Variants in WDFY3 observed in about 807,000 individuals in gnomAD.
WDFY3 encodes the protein WD repeat and FYVE domain-containing protein 3.
WDFY3 carries 66 observed loss-of-function variants against 409.6 expected under a neutral mutation model. The ratio of observed to expected loss-of-function variants is 0.16; its 90% CI spans 0.13 to 0.20. The LOEUF is 0.20. Ranked by LOEUF, WDFY3 falls within the 10% of genes least tolerant of loss-of-function variation. The probability of loss-of-function intolerance (pLI) is 1.00; values close to 1 mark genes in which losing one functional copy is unlikely to be tolerated. For missense variants in WDFY3, 3,031 were observed against 4,298.1 expected (o/e 0.71, Z 8.24); for synonymous variants, 1,521 against 1,537.1 (o/e 0.99, Z 0.25).
chr4:84,839,397 A>G (rs997707073), intron 6 of WDFY3, among the ~76,000 whole-genome samples: 4 of 152,138 alleles, frequency 2.6e-5, no homozygotes, highest in Non-Finnish European at 5.9e-5. Flanking sequence ...AGATACATGA[A>G]AACAATGGTC....
At chr4:84,893,492 A>G (rs1371524350) in intron 3 of WDFY3, among the ~76,000 whole-genome samples, 1 of 152,250 alleles carries the variant, frequency 6.6e-6, no homozygotes, top group Non-Finnish European at 1.5e-5. Flanking sequence ...AGCATTAGGC[A>G]GAAGAATAGA....
chr4:84,677,413 AGAG>A lies in WDFY3; in HGVS notation c.10260-20_10260-18del, dbSNP rs766868034. On this transcript the variant is annotated intron_variant, in intron 66 of 67. Coordinates refer to ENST00000295888, the MANE Select transcript of WDFY3 (RefSeq NM_014991.6). ...CTGTGATCCCTGCAGGAGACACGAC[AGAG>A]GAGGTCACTGCACGGAAGGCTTCTG... The A allele has an allele frequency of 3.2e-6, 5 of 1,578,076 alleles. No homozygotes were observed. Among genetic ancestry groups the A allele is most frequent in the Non-Finnish European group, 4.3e-6 (5 of 1,161,524 alleles).
intron 2 of WDFY3, among the ~76,000 whole-genome samples, chr4:84,930,985 GTTA>G (rs1770694575): frequency 6.6e-6 from 1 of 151,996 alleles, no homozygotes. Context: ...TGCAATATTT[GTTA>G]TTATAATTGT....
chr4:84,749,907 A>G (rs1489989724), intron 36 of WDFY3, among the ~76,000 whole-genome samples: 1 of 152,200 alleles, frequency 6.6e-6, no homozygotes, highest in African/African-American at 2.4e-5. Flanking sequence ...ATGTTATTAT[A>G]TATCAAATTC....
chr4:84,673,080 G>A, intron 67 of WDFY3, 89 bp from the exon 68 acceptor site: 5 of 1,551,774 alleles, frequency 3.2e-6, no homozygotes, highest in Non-Finnish European at 4.4e-6. Flanking sequence ...TGGAAAGCTT[G>A]CAGTAAAATG....
chr4:84,722,188 G>A (rs1348957705), intron 46 of WDFY3, among the ~76,000 whole-genome samples: 1 of 152,114 alleles, frequency 6.6e-6, no homozygotes, highest in Non-Finnish European at 1.5e-5. Flanking sequence ...AGGAGTTTGA[G>A]ACTAGCCTGG....
chr4:84,908,661 T>C (rs140556138), intron 2 of WDFY3, among the ~76,000 whole-genome samples: 14 of 152,212 alleles, frequency 9.2e-5, no homozygotes, highest in Non-Finnish European at 1.8e-4. Flanking sequence ...ACTTTTTTTA[T>C]TGCTAGTATG....
intron 21 of WDFY3, among the ~76,000 whole-genome samples, chr4:84,790,221 G>A (rs933692949): frequency 4.0e-5 from 6 of 151,804 alleles, no homozygotes; most frequent in Admixed American, 6.6e-5. Context: ...ATGGTGGCGC[G>A]CGTCTGTAGT....
At position 84,873,610 on chromosome 4, in the gene WDFY3, T is replaced by G. The variant is rs1762400247; in HGVS notation, c.-31-12988A>C. Among the ~76,000 whole-genome samples, 2 of 133,372 alleles carry G rather than the reference T, an allele frequency of 1.5e-5. 1 individual carries two copies. Among genetic ancestry groups the G allele is most frequent in the South Asian group, 4.6e-4 (2 of 4,314 alleles). 87.5% of individuals were successfully genotyped at this position (133,372 alleles called of 152,430 possible). ...TAGAAAAAGAAAAGTAGTTTGAGCT[T>G]AAAGAAAGCAGAAAAAAGAAATAAT... On this transcript the variant is annotated intron_variant, in intron 3 of 67. Coordinates refer to ENST00000295888, the MANE Select transcript of WDFY3 (RefSeq NM_014991.6).
intron 27 of WDFY3, among the ~76,000 whole-genome samples, chr4:84,776,251 A>G (rs1745530980): frequency 6.6e-6 from 1 of 152,060 alleles, no homozygotes; most frequent in African/African-American, 2.4e-5. Flanking sequence ...TTAGATGCAC[A>G]TAATAAATTC....
At chr4:84,703,022 AG>A (rs1464259356) in intron 55 of WDFY3, among the ~76,000 whole-genome samples, 2 of 151,252 alleles carry the variant, frequency 1.3e-5, no homozygotes, top group Admixed American at 1.3e-4. Flanking sequence ...CATGAACCCC[AG>A]GGGGCGGAGC....
chr4:84,809,959 A>G lies in WDFY3; in HGVS notation c.2273T>C (p.Val758Ala). ...LEEDVISIES[V>A]SPTLRHCSKL... ...ACTGCAGTGCCGTAACGTGGGTGAC[A>G]CTGATTCTATTGAGATTACATCTTC... Residue 758 changes from valine to alanine, a missense_variant, in exon 14 of 68, where the codon GTG becomes GCG. Transcript: ENST00000295888. The G allele has an allele frequency of 6.2e-7, 1 of 1,614,170 alleles. No homozygotes were observed. Among genetic ancestry groups the G allele is most frequent in the Non-Finnish European group, 8.5e-7 (1 of 1,180,018 alleles).
chr4:84,908,214 C>A lies in WDFY3; in HGVS notation c.-131-11204G>T, dbSNP rs115933874. ...TCCAAAGGGCCTCCTCTAATACAGA[C>A]AGTTAAAAGGAAACTGCAGCTATCC... On this transcript the variant is annotated intron_variant, in intron 2 of 67. Coordinates refer to ENST00000295888, the MANE Select transcript of WDFY3 (RefSeq NM_014991.6). Among the ~76,000 whole-genome samples, 1,040 of 152,218 alleles carry A rather than the reference C, an allele frequency of 6.8e-3. 14 individuals carry two copies. Among genetic ancestry groups the A allele is most frequent in the African/African-American group, 0.022 (916 of 41,524 alleles).
At chr4:84,714,843 G>A (rs1456792867) in intron 50 of WDFY3, among the ~76,000 whole-genome samples, 3 of 151,700 alleles carry the variant, frequency 2.0e-5, no homozygotes, top group East Asian at 1.9e-4. Flanking sequence ...CCAGCTACTC[G>A]GGAGGCTGAG....
intron 30 of WDFY3, among the ~76,000 whole-genome samples, chr4:84,769,046 C>T (rs532687872): frequency 6.6e-6 from 1 of 152,278 alleles, no homozygotes; most frequent in East Asian, 1.9e-4. Context: ...GTGGTAGAAA[C>T]AGCAAGAGAA....
At chr4:84,704,305 TA>T in intron 55 of WDFY3, 32 bp downstream of exon 55, 1 of 1,488,278 alleles carries the variant, frequency 6.7e-7, no homozygotes, top group Non-Finnish European at 9.2e-7. Context: ...TAGGCTTGTA[TA>T]AAATAGAAAA....
At chr4:84,762,465 G>A (rs1441903013) in intron 32 of WDFY3, among the ~76,000 whole-genome samples, 1 of 125,422 alleles carries the variant, frequency 8.0e-6, no homozygotes, top group Non-Finnish European at 1.6e-5. Context: ...GACTGTTCTG[G>A]GGTGGGGGGA....
intron 67 of WDFY3, 132 bp downstream of exon 67, chr4:84,677,067 G>T: frequency 9.9e-7 from 1 of 1,008,450 alleles, no homozygotes. Context: ...CAGAAAAAGT[G>T]AAGACTGGTT....
intron 2 of WDFY3, among the ~76,000 whole-genome samples, chr4:84,899,535 T>C (rs116088822): frequency 0.032 from 4,834 of 152,316 alleles, 105 homozygotes; most frequent in Middle Eastern, 0.058. Context: ...AAACAGGGGT[T>C]AGCAAATTAC....
Sources: gnomAD v4.1 joint callset for allele counts (sites outside exome capture counted in the v4.1 genomes callset) on GRCh38, gnomAD v4.1.1 for gene constraint, MANE v1.5 for transcripts, NCBI Gene and HGNC (gene_info 2026-07-23, HGNC 2026-07-21) for gene names.